AOX1: variants seen among roughly 807,000 people sequenced by gnomAD.
AOX1 encodes the protein aldehyde oxidase 1, also known as aldehyde oxidase.
A neutral mutation model predicts 169.5 loss-of-function variants in AOX1; 153 were observed. The observed-to-expected ratio is 0.90, with a 90% CI of 0.79 to 1.03. The LOEUF is 1.03. AOX1 is among the 50% of genes least tolerant of loss of function. The pLI, the probability that AOX1 is intolerant of heterozygous loss-of-function variation, is 0.00. For synonymous variants in AOX1, 562 were observed against 581.9 expected (o/e 0.97, Z 0.49); for missense variants, 1,656 against 1,663.9 (o/e 1.00, Z 0.08).
chr2:200,609,931 C>T (rs1370770687), intron 12 of AOX1, among the ~76,000 whole-genome samples: 1 of 152,148 alleles, frequency 6.6e-6, no homozygotes, highest in Admixed American at 6.5e-5. Context: ...ATCGCTTCTT[C>T]CAACTTGCTT....
intron 27 of AOX1, 86 bp from the exon 28 acceptor site, chr2:200,659,079 T>C: frequency 7.8e-7 from 1 of 1,290,252 alleles, no homozygotes; most frequent in Non-Finnish European, 1.1e-6. Context: ...GGTATGAGGG[T>C]ATCACACATG....
chr2:200,628,190 TAC>T (rs911304455), intron 20 of AOX1, among the ~76,000 whole-genome samples: 3 of 151,144 alleles, frequency 2.0e-5, no homozygotes, highest in Non-Finnish European at 3.0e-5. Flanking sequence ...CACACACACA[TAC>T]ACACACACAC....
chr2:200,642,934 G>A lies in AOX1; in HGVS notation c.2847+133G>A, dbSNP rs150468310. 6.3e-4 allele frequency: 529 copies of A among 843,278 alleles called. 4 individuals carry two copies. In the African/African-American group the frequency reaches 8.4e-3, roughly 13 times the overall value. The allele number at this position is 843,278 out of a possible 1,614,324, so 52.2% of individuals were successfully genotyped here. A position where few individuals can be genotyped will look rare whatever the true frequency, so the allele number is the denominator to read the frequency against. ...TTGTGCCAAGTCCCCCAGCTAACTG[G>A]TTAATGCGGAGCCCAGACTCCAAAG... On this transcript the variant is annotated intron_variant, in intron 25 of 34. Transcript: ENST00000374700.
intron 16 of AOX1, among the ~76,000 whole-genome samples, chr2:200,619,054 G>A (rs1331588055): frequency 6.6e-6 from 1 of 152,200 alleles, no homozygotes; most frequent in Non-Finnish European, 1.5e-5. Flanking sequence ...GTGCTGAATA[G>A]GCTTTCTCAA....
intron 25 of AOX1, among the ~76,000 whole-genome samples, chr2:200,648,672 T>C (rs113366024): frequency 0.027 from 4,105 of 152,224 alleles, 174 homozygotes; most frequent in African/African-American, 0.09. Flanking sequence ...GTCCTTTGTC[T>C]TCCACTACCA....
intron 27 of AOX1, among the ~76,000 whole-genome samples, chr2:200,657,190 A>ATATTTTTTTT: frequency 2.4e-4 from 15 of 62,880 alleles, no homozygotes; most frequent in African/African-American, 9.5e-4. Context: ...ATATATATAT[A>ATATTTTTTTT]TTTTTTTTTT....
chr2:200,679,655 C>T (rs899473875), downstream of AOX1, among the ~76,000 whole-genome samples: 14 of 149,584 alleles, frequency 9.4e-5, no homozygotes, highest in Non-Finnish European at 2.1e-4. Flanking sequence ...GAGGTAGTGA[C>T]GCCCCCCCCC....
chr2:200,613,108 A>G (rs1407920636), intron 14 of AOX1, among the ~76,000 whole-genome samples: 2 of 151,894 alleles, frequency 1.3e-5, no homozygotes, highest in Middle Eastern at 3.2e-3. Context: ...TGGGAGAATA[A>G]TTTGCCATGA....
At chr2:200,672,897 C>G (rs1400422222), downstream of AOX1, among the ~76,000 whole-genome samples, 1 of 152,202 alleles carries the variant, frequency 6.6e-6, no homozygotes, top group Non-Finnish European at 1.5e-5. Flanking sequence ...GCAAGTGTGC[C>G]TGGCCCGTTT....
Position 200,659,211 on chromosome 2 carries a change from G to A in AOX1, c.3218G>A (p.Arg1073His), listed in dbSNP as rs142689320. ...LRMPMSNVHLRGTSTETVPNA... is the reference protein window; with the variant it reads ...LRMPMSNVHLHGTSTETVPNA... ...ATGCCAATGTCGAATGTCCACCTGC[G>A]TGGAACAAGCACAGAAACTGTCCCT... The change falls in exon 28 of 35, where the codon CGT becomes CAT. Residue 1073 changes from arginine to histidine, a missense_variant. Coordinates refer to ENST00000374700, the MANE Select transcript of AOX1 (RefSeq NM_001159.4). The A allele has an allele frequency of 5.0e-5, 80 of 1,613,890 alleles. No individual in the cohort carries two copies. Among genetic ancestry groups the A allele is most frequent in the Non-Finnish European group, 6.2e-5 (73 of 1,179,938 alleles).
intron 1 of AOX1, among the ~76,000 whole-genome samples, chr2:200,590,860 C>T (rs1190721973): frequency 6.6e-6 from 1 of 152,042 alleles, no homozygotes; most frequent in Non-Finnish European, 1.5e-5. Context: ...ATCTGAGACC[C>T]ACGTTTCTTC....
rs911025464 is a variant in AOX1 at position 200,613,909 on chromosome 2, C to T, written c.1554C>T (p.Leu518=). Residue 518 remains leucine (L), a synonymous_variant, in exon 15 of 35, where the codon CTC becomes CTT. Transcript: ENST00000374700. The part of the protein sequence containing the change: ...PGGKVEFKRT[L]IISFLFKFYL... ...GGAAAGTGGAGTTCAAGAGGACTCTCATCATCAGCTTCCTCTTCAAGTTCT... is the reference window on the plus strand; with the variant it reads ...GGAAAGTGGAGTTCAAGAGGACTCTTATCATCAGCTTCCTCTTCAAGTTCT... 1.2e-6 allele frequency: 2 copies of T among 1,612,604 alleles called. No homozygotes were observed. The highest frequency in any genetic ancestry group is 1.7e-5 in the Admixed American group (1 of 60,008).
chr2:200,599,743 G>C lies in AOX1; in HGVS notation c.433G>C (p.Gly145Arg). 1.3e-6 allele frequency: 2 copies of C among 1,588,052 alleles called. No homozygotes were observed. The highest frequency in any genetic ancestry group is 2.3e-5 in the East Asian group (1 of 43,614). The change falls in exon 5 of 35, where the codon GGT becomes CGT. Residue 145 changes from glycine to arginine, a missense_variant. Transcript: ENST00000374700. The stretch of plus-strand genomic sequence containing the variant: ...TCTGGATCAGTTAACTGATGCCCTT[G>C]GTGGTAGGTTATATATGCATGCTTT... The part of the protein sequence containing the change: ...PTLDQLTDAL[G>R]GNLCRCTGYR...
At chr2:200,608,367 T>A (rs1465062327) in intron 10 of AOX1, among the ~76,000 whole-genome samples, 1 of 152,198 alleles carries the variant, frequency 6.6e-6, no homozygotes, top group East Asian at 1.9e-4. Context: ...AACACAGTCT[T>A]TGCTCTTTAA....
chr2:200,609,194 A>G, intron 11 of AOX1, 59 bp downstream of exon 11: 1 of 1,600,622 alleles, frequency 6.2e-7, no homozygotes, highest in Non-Finnish European at 8.5e-7. Context: ...CTCCCTGATG[A>G]ATCATGACAT....
chr2:200,646,670 T>C (rs887510279), intron 25 of AOX1, among the ~76,000 whole-genome samples: 19 of 152,128 alleles, frequency 1.2e-4, no homozygotes, highest in African/African-American at 4.3e-4. Context: ...TGAAGTTCCC[T>C]ACTATTGTGT....
intron 27 of AOX1, among the ~76,000 whole-genome samples, chr2:200,657,188 A>ATTTTTTTTTTTT (rs1309414882): frequency 2.9e-5 from 2 of 68,612 alleles, no homozygotes; most frequent in African/African-American, 1.4e-4. Context: ...ATATATATAT[A>ATTTTTTTTTTTT]TATTTTTTTT....
downstream of AOX1, among the ~76,000 whole-genome samples, chr2:200,676,238 C>A (rs1189303966): frequency 1.8e-4 from 28 of 152,048 alleles, no homozygotes; most frequent in Admixed American, 1.8e-3. Context: ...GAATGTAGTT[C>A]ATTTGCAAAT....
At position 200,666,682 on chromosome 2, in the gene AOX1, AC is replaced by A. The variant is rs766536209; in HGVS notation, c.3544-4del. The A allele has an allele frequency of 2.5e-6, 4 of 1,596,310 alleles. No homozygotes were observed. The African/African-American group carries it at 4.1e-5, about 16-fold the overall frequency. On this transcript the variant is annotated splice_polypyrimidine_tract_variant and splice_region_variant and intron_variant, in intron 31 of 34. Coordinates refer to ENST00000374700, the MANE Select transcript of AOX1 (RefSeq NM_001159.4). Reference sequence around the variant, plus strand: ...ATAAACATTTTAACTTTTTTTTAATACTAGAACATCAGAACAGACATTGTCA... The same window carrying A: ...ATAAACATTTTAACTTTTTTTTAATATAGAACATCAGAACAGACATTGTCA...
Sources: allele counts gnomAD v4.1 joint callset (sites outside exome capture counted in the v4.1 genomes callset), GRCh38; gene constraint gnomAD v4.1.1; transcripts MANE v1.5; gene names NCBI Gene and HGNC (gene_info 2026-07-23, HGNC 2026-07-21).